ROBO2: variants seen among roughly 807,000 people sequenced by gnomAD.
The protein encoded by ROBO2 is roundabout guidance receptor 2.
A neutral mutation model predicts 160.8 loss-of-function variants in ROBO2; 53 were observed. That is an observed-to-expected ratio of 0.33 (90% CI 0.26 to 0.41). The LOEUF is 0.41. Ranked by LOEUF, ROBO2 falls within the 10% of genes least tolerant of loss-of-function variation. The pLI is 1.00. For missense variants in ROBO2, 1,577 were observed against 1,722.4 expected (o/e 0.92, Z 1.49); for synonymous variants, 664 against 611.7 (o/e 1.09, Z -1.26).
At chr3:77,129,557 C>A (rs1360107559) in intron 2 of ROBO2, among the ~76,000 whole-genome samples, 1 of 152,120 alleles carries the variant, frequency 6.6e-6, no homozygotes, top group Non-Finnish European at 1.5e-5. Context: ...AAGTGATAGT[C>A]GGTTGGCGAG....
chr3:77,500,615 T>G (rs548473419), intron 5 of ROBO2, among the ~76,000 whole-genome samples: 1 of 152,254 alleles, frequency 6.6e-6, no homozygotes, highest in Non-Finnish European at 1.5e-5. Flanking sequence ...TATAAAAATT[T>G]AAACTTAGAA....
chr3:77,115,714 T>C (rs2074129234), intron 2 of ROBO2, among the ~76,000 whole-genome samples: 1 of 152,246 alleles, frequency 6.6e-6, no homozygotes, highest in Non-Finnish European at 1.5e-5. Context: ...CATTTAAAGA[T>C]ACTGTTTATT....
At chr3:75,963,486 C>T (rs565791270) in intron 2 of ROBO2, among the ~76,000 whole-genome samples, 7 of 151,838 alleles carry the variant, frequency 4.6e-5, no homozygotes, top group African/African-American at 1.4e-4. Context: ...TGTGAACCAC[C>T]TCATGAAACT....
chr3:76,683,268 G>A (rs530215968), intron 2 of ROBO2, among the ~76,000 whole-genome samples: 1 of 151,928 alleles, frequency 6.6e-6, no homozygotes, highest in South Asian at 2.1e-4. Context: ...GACACTTATT[G>A]AGAAATTGAA....
chr3:77,002,065 T>A (rs1452477566), intron 2 of ROBO2, among the ~76,000 whole-genome samples: 1 of 152,138 alleles, frequency 6.6e-6, no homozygotes, highest in Non-Finnish European at 1.5e-5. Context: ...AATCTTGTAT[T>A]ACTAATTATC....
At chr3:76,599,891 A>AT (rs943706031) in intron 2 of ROBO2, among the ~76,000 whole-genome samples, 76 of 151,688 alleles carry the variant, frequency 5.0e-4, no homozygotes, top group Non-Finnish European at 9.6e-4. Flanking sequence ...TTTTTAATGG[A>AT]TTTTTTTGTT....
intron 2 of ROBO2, among the ~76,000 whole-genome samples, chr3:76,196,207 C>T (rs908639881): frequency 3.3e-5 from 5 of 152,054 alleles, no homozygotes; most frequent in Admixed American, 6.6e-5. Context: ...AAATGGTTAT[C>T]AATGGTGCAA....
At chr3:77,218,320 C>A (rs1304219017) in intron 2 of ROBO2, among the ~76,000 whole-genome samples, 1 of 151,966 alleles carries the variant, frequency 6.6e-6, no homozygotes, top group Non-Finnish European at 1.5e-5. Context: ...TTTTCTCGAT[C>A]CTTAGGCTTT....
At chr3:77,066,480 T>TA (rs953422019) in intron 1 of ROBO2, among the ~76,000 whole-genome samples, 2 of 152,244 alleles carry the variant, frequency 1.3e-5, no homozygotes, top group Non-Finnish European at 2.9e-5. Context: ...ATAATTTCTT[T>TA]AAAAATGTGT....
intron 2 of ROBO2, among the ~76,000 whole-genome samples, chr3:76,072,494 TC>T (rs2068494636): frequency 6.6e-6 from 1 of 152,266 alleles, no homozygotes; most frequent in Admixed American, 6.5e-5. Flanking sequence ...TAAGGCCTTT[TC>T]TTTATATATA....
chr3:77,071,397 G>A lies in ROBO2; in HGVS notation c.62-26617G>A, dbSNP rs558454787. On this transcript the variant is annotated intron_variant, in intron 1 of 25. Coordinates refer to ENST00000461745, the Ensembl canonical transcript of ROBO2. ...TAGTTTTATGATACATGTCCTTTAC[G>A]ATTGTTGTATAATGACTACTTGTAA... is the stretch of plus-strand genomic sequence containing the variant. Among the ~76,000 whole-genome samples the A allele has an allele frequency of 7.2e-5, 11 of 152,254 alleles. No homozygotes were observed. In the South Asian group the frequency reaches 1.9e-3, roughly 26 times the overall value.
At chr3:76,027,676 G>T (rs529225561) in intron 2 of ROBO2, among the ~76,000 whole-genome samples, 38 of 151,946 alleles carry the variant, frequency 2.5e-4, no homozygotes, top group African/African-American at 8.2e-4. Flanking sequence ...ATCAACATTT[G>T]GAGGAAAAGC....
chr3:76,851,098 A>T (rs765499288), intron 2 of ROBO2, among the ~76,000 whole-genome samples: 1 of 152,162 alleles, frequency 6.6e-6, no homozygotes, highest in Non-Finnish European at 1.5e-5. Flanking sequence ...AGTTTTGTGC[A>T]TGTAACTCAT....
intron 2 of ROBO2, among the ~76,000 whole-genome samples, chr3:76,784,292 G>A (rs1321205534): frequency 1.3e-5 from 2 of 151,130 alleles, no homozygotes; most frequent in Non-Finnish European, 3.0e-5. Context: ...CCTGACTAGA[G>A]GGATTCTGGA....
At chr3:77,389,441 A>C (rs973888717) in intron 2 of ROBO2, among the ~76,000 whole-genome samples, 1 of 152,208 alleles carries the variant, frequency 6.6e-6, no homozygotes, top group African/African-American at 2.4e-5. Flanking sequence ...CACCACAGAC[A>C]TAAAAGATTT....
intron 2 of ROBO2, among the ~76,000 whole-genome samples, chr3:76,742,361 G>T (rs1013165233): frequency 6.6e-6 from 1 of 152,066 alleles, no homozygotes; most frequent in African/African-American, 2.4e-5. Flanking sequence ...ATAGGTAAAA[G>T]TTGTCCTTTA....
chr3:77,107,290 G>T (rs1326345206), intron 2 of ROBO2, among the ~76,000 whole-genome samples: 1 of 152,168 alleles, frequency 6.6e-6, no homozygotes, highest in Non-Finnish European at 1.5e-5. Context: ...TCTGACCACA[G>T]CTCTGGCCTT....
At chr3:76,100,209 T>C (rs1376691525) in intron 2 of ROBO2, among the ~76,000 whole-genome samples, 1 of 152,226 alleles carries the variant, frequency 6.6e-6, no homozygotes, top group African/African-American at 2.4e-5. Context: ...GGGATTGTGC[T>C]TCTTGATTTA....
intron 2 of ROBO2, among the ~76,000 whole-genome samples, chr3:77,154,214 C>G (rs923127362): frequency 6.6e-6 from 1 of 152,066 alleles, no homozygotes; most frequent in Admixed American, 6.6e-5. Flanking sequence ...AATGTATCTT[C>G]TATCAATTTC....
Sources: allele counts gnomAD v4.1 joint callset (sites outside exome capture counted in the v4.1 genomes callset), GRCh38; gene constraint gnomAD v4.1.1; transcripts MANE v1.5; gene names NCBI Gene and HGNC (gene_info 2026-07-23, HGNC 2026-07-21).